Variants in TCF7L2 observed in about 807,000 individuals in gnomAD.
TCF7L2 encodes transcription factor 7-like 2.
In TCF7L2, 23 loss-of-function variants were observed where a neutral mutation model predicts 77.9. The ratio of observed to expected loss-of-function variants is 0.30; its 90% CI spans 0.21 to 0.42. The LOEUF is 0.42. Among genes scored for constraint, TCF7L2 ranks in the 10% least tolerant of loss-of-function variants. The probability of loss-of-function intolerance (pLI) is 1.00; values close to 1 mark genes in which losing one functional copy is unlikely to be tolerated. For synonymous variants in TCF7L2, 413 were observed against 340.2 expected (o/e 1.21, Z -2.36); for missense variants, 654 against 793.1 (o/e 0.82, Z 2.11).
rs1399983480 is a variant in TCF7L2, at chr10:113,165,633, A to T, written c.1470A>T (p.Leu490=). The T allele has an allele frequency of 1.2e-6, 2 of 1,613,444 alleles. No individual in the cohort carries two copies. Among genetic ancestry groups the T allele is most frequent in the Non-Finnish European group, 1.7e-6 (2 of 1,179,726 alleles). Residue 490 remains leucine, a synonymous_variant, in exon 14 of 14, where the codon CTA becomes CTT. Coordinates refer to ENST00000627217, the MANE Select transcript of TCF7L2 (RefSeq NM_001146274.2). ...CACCCTCTTCAGATGGAAGCTTACT[A>T]GATTCGCCTCCCCCCTCCCCGAACC... is the stretch of plus-strand genomic sequence containing the variant.
intron 13 of TCF7L2, among the ~76,000 whole-genome samples, chr10:113,163,216 G>A (rs1303499607): frequency 6.6e-6 from 1 of 152,114 alleles, no homozygotes; most frequent in East Asian, 1.9e-4. Context: ...GGGTGGGAGG[G>A]GTGAGGAAGG....
At chr10:113,116,906 T>TG (rs2063799502) in intron 5 of TCF7L2, among the ~76,000 whole-genome samples, 1 of 152,186 alleles carries the variant, frequency 6.6e-6, no homozygotes, top group South Asian at 2.1e-4. Context: ...GTCCATAAAT[T>TG]GTTGATTATT....
chr10:113,040,516 G>A (rs1391715122), intron 5 of TCF7L2, among the ~76,000 whole-genome samples: 2 of 152,166 alleles, frequency 1.3e-5, no homozygotes, highest in Admixed American at 6.5e-5. Flanking sequence ...GGGGGTCCTG[G>A]ATTTGAAACT....
In TCF7L2 at chr10:113,166,315, G is replaced by GA. The variant is rs949875743; in HGVS notation, c.*352dup. On this transcript the variant is annotated 3_prime_UTR_variant, in exon 14 of 14. Coordinates refer to ENST00000627217, the MANE Select transcript of TCF7L2 (RefSeq NM_001146274.2). ...TAAAAGACTGATTAAAAAACAAAAA[G>GA]AAAAAAAAAGCAATTTTGAAGCAGC... The GA allele has an allele frequency of 3.0e-3, 724 of 239,272 alleles. 1 individual carries two copies. The highest frequency in any genetic ancestry group is 4.0e-3 in the Non-Finnish European group (491 of 123,878). 14.8% of individuals were successfully genotyped at this position (239,272 alleles called of 1,614,324 possible). A position where few individuals can be genotyped will look rare whatever the true frequency, so the allele number is the denominator to read the frequency against.
intron 4 of TCF7L2, among the ~76,000 whole-genome samples, chr10:113,033,443 A>C (rs1271679889): frequency 1.3e-5 from 2 of 151,502 alleles, no homozygotes; most frequent in African/African-American, 4.9e-5. Context: ...TTTTTGGTAG[A>C]GATGGGGTCT....
chr10:113,063,238 T>C (rs1222836310), intron 5 of TCF7L2, among the ~76,000 whole-genome samples: 1 of 152,080 alleles, frequency 6.6e-6, no homozygotes, highest in African/African-American at 2.4e-5. Context: ...GGAGTAGTGT[T>C]TGGGGTTGCA....
At chr10:112,974,697 C>A (rs2039032895) in intron 4 of TCF7L2, among the ~76,000 whole-genome samples, 1 of 152,180 alleles carries the variant, frequency 6.6e-6, no homozygotes, top group South Asian at 2.1e-4. Flanking sequence ...CCCACCTCGG[C>A]CTCCCAAAGT....
intron 4 of TCF7L2, among the ~76,000 whole-genome samples, chr10:113,023,776 C>CT (rs1458148971): frequency 2.0e-5 from 3 of 152,070 alleles, no homozygotes; most frequent in Non-Finnish European, 4.4e-5. Context: ...TCATGCCATT[C>CT]TCCTGAATCA....
intron 5 of TCF7L2, among the ~76,000 whole-genome samples, chr10:113,059,937 G>A (rs1326290536): frequency 6.6e-6 from 1 of 152,120 alleles, no homozygotes; most frequent in Non-Finnish European, 1.5e-5. Context: ...ACAGCAGGGT[G>A]TTTCTTTTTA....
chr10:113,125,494 C>A (rs955019601), intron 5 of TCF7L2: 1 of 151,698 alleles, frequency 6.6e-6, no homozygotes, highest in Admixed American at 6.6e-5. Context: ...TTTTTCCCCC[C>A]GAATTGTTTA....
intron 5 of TCF7L2, among the ~76,000 whole-genome samples, chr10:113,116,969 C>T (rs1427243569): frequency 6.6e-6 from 1 of 152,140 alleles, no homozygotes; most frequent in African/African-American, 2.4e-5. Flanking sequence ...ACACTGAAAT[C>T]ATAGATGTAC....
intron 13 of TCF7L2, among the ~76,000 whole-genome samples, chr10:113,160,871 T>A (rs544004534): frequency 6.6e-6 from 1 of 152,326 alleles, no homozygotes; most frequent in East Asian, 1.9e-4. Context: ...CCCCACTTTC[T>A]CTTTCTCTCT....
intron 5 of TCF7L2, among the ~76,000 whole-genome samples, chr10:113,111,615 A>T (rs1352304870): frequency 6.6e-6 from 1 of 151,944 alleles, no homozygotes; most frequent in Admixed American, 6.6e-5. Flanking sequence ...AGCATGGTGA[A>T]ACCTCATTTC....
intron 5 of TCF7L2, among the ~76,000 whole-genome samples, chr10:113,137,691 G>A (rs940601014): frequency 6.6e-6 from 1 of 152,230 alleles, no homozygotes; most frequent in Non-Finnish European, 1.5e-5. Context: ...CATTTAAAGA[G>A]CGCCAACATT....
rs577642041 is a variant in TCF7L2 at position 112,966,208 on chromosome 10, AT to A, written c.450+1585del. 1.1e-4 allele frequency among the ~76,000 whole-genome samples: 13 copies of A among 120,374 alleles called. 1 individual carries two copies. The East Asian group carries it at 1.8e-3, about 17-fold the overall frequency. 79.0% of individuals were successfully genotyped at this position (120,374 alleles called of 152,430 possible). The stretch of plus-strand genomic sequence containing the variant: ...TTTATATATATATATATATATATAT[AT>A]ATTTTCTTTTCTTGATTACTTCTGC... On this transcript the variant is annotated intron_variant, in intron 4 of 13. Coordinates refer to ENST00000627217, the MANE Select transcript of TCF7L2 (RefSeq NM_001146274.2).
chr10:113,113,681 G>T (rs1029449290), intron 5 of TCF7L2, among the ~76,000 whole-genome samples: 3 of 152,134 alleles, frequency 2.0e-5, no homozygotes, highest in Admixed American at 6.5e-5. Flanking sequence ...AGCATTTAAA[G>T]AAATTAAATT....
chr10:113,033,168 TTCCC>T (rs939297546), intron 4 of TCF7L2, among the ~76,000 whole-genome samples: 8 of 151,936 alleles, frequency 5.3e-5, no homozygotes, highest in Non-Finnish European at 7.4e-5. Context: ...TTTTTTTCTT[TTCCC>T]TCCCTCCCTC....
intron 5 of TCF7L2, among the ~76,000 whole-genome samples, chr10:113,044,663 C>T (rs2053109951): frequency 6.6e-6 from 1 of 152,180 alleles, no homozygotes; most frequent in African/African-American, 2.4e-5. Flanking sequence ...GGGCGGCTCC[C>T]TGAGGAAATT....
intron 4 of TCF7L2, among the ~76,000 whole-genome samples, chr10:113,028,927 G>A (rs140883522): frequency 6.6e-6 from 1 of 152,110 alleles, no homozygotes. Context: ...TGTTGGCTTC[G>A]TCTCTTAACA....
Sources: gnomAD v4.1 joint callset for allele counts (sites outside exome capture counted in the v4.1 genomes callset) on GRCh38, gnomAD v4.1.1 for gene constraint, MANE v1.5 for transcripts, NCBI Gene and HGNC (gene_info 2026-07-23, HGNC 2026-07-21) for gene names.